KCNH8: variants seen among roughly 807,000 people sequenced by gnomAD.
KCNH8 encodes voltage-gated delayed rectifier potassium channel KCNH8.
Under a neutral mutation model 103.6 loss-of-function variants are expected in KCNH8, and 70 were observed. The observed-to-expected ratio is 0.68, with a 90% CI of 0.56 to 0.82. KCNH8 has a LOEUF of 0.82. Ranked by LOEUF, KCNH8 falls within the 40% of genes least tolerant of loss-of-function variation. The pLI, the probability that KCNH8 is intolerant of heterozygous loss-of-function variation, is 0.00. For synonymous variants in KCNH8, 498 were observed against 489.4 expected (o/e 1.02, Z -0.23); for missense variants, 1,217 against 1,329.9 (o/e 0.92, Z 1.32).
intron 8 of KCNH8, among the ~76,000 whole-genome samples, chr3:19,442,029 G>A (rs1179129104): frequency 6.6e-6 from 1 of 152,212 alleles, no homozygotes; most frequent in Non-Finnish European, 1.5e-5. Flanking sequence ...GAAGCAGTGA[G>A]AGTTTCTTGG....
At chr3:19,350,152 T>A (rs1202620354) in intron 5 of KCNH8, among the ~76,000 whole-genome samples, 3 of 152,130 alleles carry the variant, frequency 2.0e-5, no homozygotes, top group Admixed American at 2.0e-4. Context: ...TGGCTTAAAT[T>A]AATATTTCTC....
intron 3 of KCNH8, among the ~76,000 whole-genome samples, chr3:19,327,717 A>G (rs2065442976): frequency 6.6e-6 from 1 of 152,238 alleles, no homozygotes; most frequent in African/African-American, 2.4e-5. Flanking sequence ...TCAGGTTATA[A>G]GGAGTGAGTG....
chr3:19,529,835 A>T (rs1474914012), intron 15 of KCNH8, among the ~76,000 whole-genome samples: 2 of 152,216 alleles, frequency 1.3e-5, no homozygotes, highest in Non-Finnish European at 2.9e-5. Flanking sequence ...CCAGAGACAC[A>T]GTGACAGGAA....
At chr3:19,256,944 GCAGATA>G in intron 2 of KCNH8, among the ~76,000 whole-genome samples, 2 of 152,154 alleles carry the variant, frequency 1.3e-5, no homozygotes, top group African/African-American at 4.8e-5. Flanking sequence ...ATATCTGTCT[GCAGATA>G]CAGTTGTGAG....
intron 11 of KCNH8, among the ~76,000 whole-genome samples, chr3:19,459,506 T>C (rs77008003): frequency 0.042 from 6,429 of 152,184 alleles, 310 homozygotes; most frequent in East Asian, 0.23. Flanking sequence ...TATTAACTCC[T>C]TATCAGATGT....
chr3:19,490,596 G>A (rs898253155), intron 11 of KCNH8, among the ~76,000 whole-genome samples: 5 of 152,202 alleles, frequency 3.3e-5, no homozygotes, highest in African/African-American at 9.7e-5. Flanking sequence ...GTGTGGCACC[G>A]GGTTGTCTGC....
intron 1 of KCNH8, among the ~76,000 whole-genome samples, chr3:19,236,936 C>G (rs2064074026): frequency 6.6e-6 from 1 of 152,112 alleles, no homozygotes; most frequent in South Asian, 2.1e-4. Context: ...CTTTATTATT[C>G]TGTTTTGACC....
At chr3:19,456,470 G>A (rs1427174562) in intron 10 of KCNH8, among the ~76,000 whole-genome samples, 1 of 151,994 alleles carries the variant, frequency 6.6e-6, no homozygotes, top group East Asian at 1.9e-4. Flanking sequence ...GGGAAGTAGA[G>A]GCCATTTGTC....
At chr3:19,165,070 G>T (rs1438130096) in intron 1 of KCNH8, among the ~76,000 whole-genome samples, 1 of 152,172 alleles carries the variant, frequency 6.6e-6, no homozygotes, top group East Asian at 1.9e-4. Context: ...TATGGTCACT[G>T]TCTTGATTGT....
intron 1 of KCNH8, among the ~76,000 whole-genome samples, chr3:19,205,048 G>A (rs550227808): frequency 6.6e-6 from 1 of 152,028 alleles, no homozygotes; most frequent in African/African-American, 2.4e-5. Flanking sequence ...CAGTGTTTAT[G>A]CTGTCTATTC....
intron 8 of KCNH8, among the ~76,000 whole-genome samples, chr3:19,446,009 A>T (rs2067357219): frequency 6.6e-6 from 1 of 152,010 alleles, no homozygotes; most frequent in Non-Finnish European, 1.5e-5. Flanking sequence ...ATTTTTTTCT[A>T]TTATAATGCA....
intron 3 of KCNH8, among the ~76,000 whole-genome samples, chr3:19,305,378 A>G (rs920864260): frequency 2.6e-5 from 4 of 152,134 alleles, no homozygotes; most frequent in Admixed American, 6.6e-5. Context: ...AAAGGAGGCA[A>G]TAAGCTAAGA....
At chr3:19,356,790 CA>C (rs2065887169) in intron 5 of KCNH8, among the ~76,000 whole-genome samples, 1 of 151,910 alleles carries the variant, frequency 6.6e-6, no homozygotes, top group South Asian at 2.1e-4. Flanking sequence ...CTTGAGTTTA[CA>C]GTTAATATGA....
chr3:19,316,701 C>A (rs985078702), intron 3 of KCNH8, among the ~76,000 whole-genome samples: 1 of 151,878 alleles, frequency 6.6e-6, no homozygotes, highest in Non-Finnish European at 1.5e-5. Context: ...AGATTGCATG[C>A]AGAGCAGCAA....
At chr3:19,528,421 T>G (rs2069103227) in intron 15 of KCNH8, among the ~76,000 whole-genome samples, 1 of 151,868 alleles carries the variant, frequency 6.6e-6, no homozygotes, top group Admixed American at 6.6e-5. Flanking sequence ...GACAAAGCAA[T>G]AAGACAAGTG....
intron 7 of KCNH8, among the ~76,000 whole-genome samples, chr3:19,435,040 CCA>C (rs372666855): frequency 1.9e-3 from 282 of 151,674 alleles, no homozygotes; most frequent in East Asian, 7.5e-3. Context: ...AATGTTCTCA[CCA>C]CACACACACA....
chr3:19,512,031 C>A (rs907824448), intron 12 of KCNH8, among the ~76,000 whole-genome samples: 1 of 152,122 alleles, frequency 6.6e-6, no homozygotes, highest in Non-Finnish European at 1.5e-5. Flanking sequence ...ATTTTCAGTT[C>A]TTTGCCTTAT....
At chr3:19,390,041 A>G (rs538492169) in intron 5 of KCNH8, among the ~76,000 whole-genome samples, 18 of 152,206 alleles carry the variant, frequency 1.2e-4, no homozygotes, top group Admixed American at 2.6e-4. Flanking sequence ...AACACTGTCT[A>G]CTTCAGGAGA....
intron 5 of KCNH8, among the ~76,000 whole-genome samples, chr3:19,358,387 A>G (rs924424642): frequency 1.3e-5 from 2 of 151,516 alleles, no homozygotes; most frequent in African/African-American, 4.8e-5. Flanking sequence ...CAATGAAGAT[A>G]TTTTCACAAA....
Sources: allele counts gnomAD v4.1 joint callset (sites outside exome capture counted in the v4.1 genomes callset), GRCh38; gene constraint gnomAD v4.1.1; transcripts MANE v1.5; gene names NCBI Gene and HGNC (gene_info 2026-07-23, HGNC 2026-07-21).